Variants in REV3L observed in about 807,000 individuals in gnomAD.
REV3L encodes the protein DNA polymerase zeta catalytic subunit.
REV3L carries 69 observed loss-of-function variants against 299.4 expected under a neutral mutation model. The ratio of observed to expected loss-of-function variants is 0.23; its 90% CI spans 0.19 to 0.28. The LOEUF is 0.28. Among genes scored for constraint, REV3L ranks in the 10% least tolerant of loss-of-function variants. The probability of loss-of-function intolerance (pLI) is 1.00; values close to 1 mark genes in which losing one functional copy is unlikely to be tolerated. For synonymous variants in REV3L, 1,238 were observed against 1,271.4 expected (o/e 0.97, Z 0.56); for missense variants, 3,128 against 3,693.8 (o/e 0.85, Z 3.97).
upstream of REV3L, chr6:111,483,373 C>T: frequency 4.2e-6 from 2 of 478,496 alleles, no homozygotes; most frequent in East Asian, 3.6e-5. Context: ...CTTTCTCCCC[C>T]TCCCCGGGCA....
At position 111,376,312 on chromosome 6, in the gene REV3L, A is replaced by T. The variant is rs748197163; in HGVS notation, c.2043T>A (p.Ile681=). 2.5e-6 allele frequency: 4 copies of T among 1,613,410 alleles called. No homozygotes were observed. The highest frequency in any genetic ancestry group is 3.4e-6 in the Non-Finnish European group (4 of 1,179,750). ...RQVPSRKYTN[I]RKIEKDSPFI... ...AAGGGGAATCCTTTTCGATTTTTCT[A>T]ATGTTTGTATATTTTCTACTTGGTA... is the stretch of plus-strand genomic sequence containing the variant. The change falls in exon 13 of 32, where the codon ATT becomes ATA. Residue 681 remains isoleucine, a synonymous_variant. Transcript: ENST00000368802.
intron 30 of REV3L, 83 bp downstream of exon 30, chr6:111,309,770 G>A: frequency 1.4e-6 from 2 of 1,465,920 alleles, no homozygotes; most frequent in South Asian, 2.7e-5. Context: ...CATATCAATA[G>A]CACATAAAAC....
intron 26 of REV3L, among the ~76,000 whole-genome samples, chr6:111,321,920 T>C (rs1027775826): frequency 6.6e-6 from 1 of 150,798 alleles, no homozygotes; most frequent in Admixed American, 6.7e-5. Context: ...GCAAAAAAGA[T>C]GTTACATAAA....
intron 1 of REV3L, among the ~76,000 whole-genome samples, chr6:111,475,022 C>CACACAT (rs1455168117): frequency 1.2e-3 from 165 of 142,640 alleles, no homozygotes; most frequent in African/African-American, 4.0e-3. Flanking sequence ...CACACACACA[C>CACACAT]ATATGGATTT....
rs369202558 is a variant in REV3L, at chr6:111,367,713, G to T, written c.6075C>A (p.Thr2025=). ...EYERSKKLPK[T]KPTGVVKSAE... ...CAGATTTTACAACTCCAGTTGGCTTGGTTTTAGGCAGTTTCTTGGAACGTT... is the reference window on the plus strand; with the variant it reads ...CAGATTTTACAACTCCAGTTGGCTTTGTTTTAGGCAGTTTCTTGGAACGTT... The change falls in exon 14 of 32, where the codon ACC becomes ACA. Residue 2025 remains threonine, a synonymous_variant. Coordinates refer to ENST00000368802, the MANE Select transcript of REV3L (RefSeq NM_001372078.1). 7 of 1,614,056 alleles carry T rather than the reference G, an allele frequency of 4.3e-6. No individual in the cohort carries two copies. In the African/African-American group the frequency reaches 9.3e-5, roughly 22 times the overall value.
chr6:111,382,623 AG>A (rs1255012056), intron 9 of REV3L, among the ~76,000 whole-genome samples: 20 of 152,208 alleles, frequency 1.3e-4, no homozygotes, highest in African/African-American at 4.8e-4. Context: ...TATGGGCTAA[AG>A]TGCTTTGGGA....
At chr6:111,357,610 G>A (rs1457009434) in intron 17 of REV3L, among the ~76,000 whole-genome samples, 2 of 151,948 alleles carry the variant, frequency 1.3e-5, no homozygotes, top group Non-Finnish European at 2.9e-5. Context: ...GGAGAATGGC[G>A]TGAATCCGGG....
In REV3L at chr6:111,422,579, C is replaced by CAT. The variant is rs1446865084; in HGVS notation, c.140-6109_140-6108dup. 9.4e-3 allele frequency among the ~76,000 whole-genome samples: 252 copies of CAT among 26,760 alleles called. 34 individuals carry two copies. The highest frequency in any genetic ancestry group is 0.015 in the Non-Finnish European group (102 of 6,772). 17.6% of individuals were successfully genotyped at this position (26,760 alleles called of 152,430 possible). ...GGTGATTCTTTTATATATATATACACATATATATATATATACACATATATA... is the reference window on the plus strand; with the variant it reads ...GGTGATTCTTTTATATATATATACACATATATATATATATATACACATATATA... On this transcript the variant is annotated intron_variant, in intron 1 of 31. Transcript: ENST00000368802.
intron 25 of REV3L, among the ~76,000 whole-genome samples, chr6:111,325,655 A>G (rs551237572): frequency 6.6e-6 from 1 of 152,362 alleles, no homozygotes; most frequent in East Asian, 1.9e-4. Context: ...TATTCTGGAT[A>G]CATAACTGTT....
rs369618915 is a variant in REV3L, at chr6:111,374,668, T to C, written c.3687A>G (p.Glu1229=). The change falls in exon 13 of 32, where the codon GAA becomes GAG. Residue 1229 remains glutamate, a synonymous_variant. Transcript: ENST00000368802. ...CAGCACCAGACTGAGATTTTATTTT[T>C]TCATCCTTAAGTGTTGTATGCTTTC... ...TSRKHTTLKD[E]KIKSQSGAEV... is the part of the protein sequence containing the mutation. 1 of 1,613,594 alleles carries C rather than the reference T, an allele frequency of 6.2e-7. No individual in the cohort carries two copies. The highest frequency in any genetic ancestry group is 8.5e-7 in the Non-Finnish European group (1 of 1,179,896).
At chr6:111,387,029 C>T (rs1781420969) in intron 9 of REV3L, among the ~76,000 whole-genome samples, 2 of 152,122 alleles carry the variant, frequency 1.3e-5, no homozygotes, top group South Asian at 4.1e-4. Flanking sequence ...GCCAGCAGCA[C>T]TATTCTTACC....
intron 24 of REV3L, among the ~76,000 whole-genome samples, chr6:111,330,523 C>A (rs923055419): frequency 6.6e-6 from 1 of 152,116 alleles, no homozygotes; most frequent in African/African-American, 2.4e-5. Context: ...GATATTCACA[C>A]ACCTGAATAT....
Position 111,303,161 on chromosome 6 carries a change from C to CTTTTTTT in REV3L, c.9253-3006_9253-3005insAAAAAAA, listed in dbSNP as rs1192743753. Among the ~76,000 whole-genome samples the CTTTTTTT allele has an allele frequency of 4.1e-4, 23 of 55,512 alleles. 1 individual carries two copies. Among genetic ancestry groups the CTTTTTTT allele is most frequent in the Admixed American group, 1.3e-3 (6 of 4,790 alleles). The allele number at this position is 55,512 out of a possible 152,430, so 36.4% of individuals were successfully genotyped here. A position where few individuals can be genotyped will look rare whatever the true frequency, so the allele number is the denominator to read the frequency against. On this transcript the variant is annotated intron_variant, in intron 31 of 31. Transcript: ENST00000368802. Reference sequence around the variant, plus strand: ...TTGAAATGTACTGAGGCTTTCTTTTCTTTCTTTTTTTTTTTTTTTTTGAGA... The same window carrying CTTTTTTT: ...TTGAAATGTACTGAGGCTTTCTTTTCTTTTTTTTTTCTTTTTTTTTTTTTTTTTGAGA...
chr6:111,477,615 C>T (rs974945888), intron 1 of REV3L, among the ~76,000 whole-genome samples: 1 of 152,188 alleles, frequency 6.6e-6, no homozygotes, highest in Non-Finnish European at 1.5e-5. Context: ...AAGAGTAAGT[C>T]AAGAACATGG....
chr6:111,342,054 T>C (rs1202913674), intron 21 of REV3L, among the ~76,000 whole-genome samples: 1 of 152,140 alleles, frequency 6.6e-6, no homozygotes, highest in East Asian at 1.9e-4. Flanking sequence ...ACTGACAATA[T>C]GTACAGACGA....
chr6:111,358,765 C>A, intron 17 of REV3L, 57 bp downstream of exon 17: 7 of 1,321,500 alleles, frequency 5.3e-6, no homozygotes, highest in Non-Finnish European at 5.2e-6. Flanking sequence ...AGGAATTCCC[C>A]ATTAAAACAT....
chr6:111,475,992 G>A (rs1792898369), intron 1 of REV3L, among the ~76,000 whole-genome samples: 1 of 152,080 alleles, frequency 6.6e-6, no homozygotes, highest in African/African-American at 2.4e-5. Context: ...AATGAAGGTG[G>A]GATCCATTTT....
At chr6:111,406,825 AAAT>A (rs1316401273) in intron 3 of REV3L, among the ~76,000 whole-genome samples, 12 of 152,212 alleles carry the variant, frequency 7.9e-5, no homozygotes, top group African/African-American at 2.4e-4. Flanking sequence ...ATCATAAAGA[AAAT>A]AATAATCATT....
rs1029813608 is a variant in REV3L at position 111,387,780 on chromosome 6, T to C, written c.1081A>G (p.Lys361Glu). The change falls in exon 9 of 32, where the codon AAA becomes GAA. Residue 361 changes from lysine to glutamate, a missense_variant. By Grantham distance (56) the Lys-to-Glu change is moderately conservative. Coordinates refer to ENST00000368802, the MANE Select transcript of REV3L (RefSeq NM_001372078.1). ...AAAATCTTACCTTTGCTTGACTCTTTGTCTTTGTGAACTTCTACCATATTG... is the reference window on the plus strand; with the variant it reads ...AAAATCTTACCTTTGCTTGACTCTTCGTCTTTGTGAACTTCTACCATATTG... Reference protein sequence around the residue: ...PANMVEVHKDKESSKGHTRHK... With the variant: ...PANMVEVHKDEESSKGHTRHK... The C allele has an allele frequency of 1.9e-6, 3 of 1,613,820 alleles. No homozygotes were observed. Among genetic ancestry groups the C allele is most frequent in the Admixed American group, 1.7e-5 (1 of 59,976 alleles).
Sources: allele counts gnomAD v4.1 joint callset (sites outside exome capture counted in the v4.1 genomes callset), GRCh38; gene constraint gnomAD v4.1.1; transcripts MANE v1.5; gene names NCBI Gene and HGNC (gene_info 2026-07-23, HGNC 2026-07-21).